The following ZNG1A variants were observed in gnomAD, a reference collection of about 807,000 sequenced individuals.
The protein encoded by ZNG1A is Zn regulated GTPase metalloprotein activator 1A.
chr9:147,441 C>A, the ZNG1A span: 8 of 110,734 alleles, frequency 7.2e-5, no homozygotes, highest in South Asian at 3.0e-4. Context: ...TTTCTTTATT[C>A]TCAACAGTCT....
chr9:127,256 T>C, the ZNG1A span, among the ~76,000 whole-genome samples: 4 of 152,148 alleles, frequency 2.6e-5, no homozygotes, highest in Admixed American at 2.6e-4. Context: ...CTTGATGACC[T>C]GTCCAGTGCT....
the ZNG1A span, among the ~76,000 whole-genome samples, chr9:129,400 C>G: frequency 6.6e-6 from 1 of 150,980 alleles, no homozygotes; most frequent in East Asian, 1.9e-4. Flanking sequence ...TCACAGCAGT[C>G]AAGACACTAA....
the ZNG1A span, among the ~76,000 whole-genome samples, chr9:171,171 G>A: frequency 1.3e-5 from 2 of 151,778 alleles, no homozygotes; most frequent in Non-Finnish European, 2.9e-5. Context: ...GAAAACATGG[G>A]GATGATGTTA....
the ZNG1A span, among the ~76,000 whole-genome samples, chr9:129,937 C>T: frequency 6.7e-6 from 1 of 150,286 alleles, no homozygotes; most frequent in Non-Finnish European, 1.5e-5. Flanking sequence ...ATGGTATAAC[C>T]TACTACACAC....
chr9:175,833 G>C, the ZNG1A span: 1 of 631,336 alleles, frequency 1.6e-6, no homozygotes, highest in Admixed American at 3.0e-5. Context: ...TAATTTTAAA[G>C]ATACAAAAAA....
the ZNG1A span, among the ~76,000 whole-genome samples, chr9:132,014 T>TC: frequency 2.3e-5 from 2 of 86,458 alleles, no homozygotes; most frequent in African/African-American, 7.8e-5. Flanking sequence ...CTTCTTCCCG[T>TC]CAAAAAAAAT....
chr9:165,424 T>C, the ZNG1A span, among the ~76,000 whole-genome samples: 1 of 143,462 alleles, frequency 7.0e-6, no homozygotes, highest in Non-Finnish European at 1.5e-5. Flanking sequence ...AAAACTGGTA[T>C]TTATCTTTGA....
chr9:146,373 C>T, the ZNG1A span: 1 of 417,974 alleles, frequency 2.4e-6, no homozygotes, highest in African/African-American at 2.2e-5. Flanking sequence ...ATTATCTTTT[C>T]AATCCTGAAA....
chr9:147,321 T>C, the ZNG1A span: 1 of 124,146 alleles, frequency 8.1e-6, no homozygotes, highest in African/African-American at 3.6e-5. Flanking sequence ...TTAAATTTTC[T>C]TACAAGGAAA....
At chr9:133,178 TA>T in the ZNG1A span, among the ~76,000 whole-genome samples, 2 of 139,968 alleles carry the variant, frequency 1.4e-5, no homozygotes, top group Non-Finnish European at 3.0e-5. Context: ...TTTCCTCCCT[TA>T]CACCTCAGAT....
the ZNG1A span, chr9:171,670 A>G: frequency 4.2e-6 from 1 of 240,458 alleles, no homozygotes; most frequent in Non-Finnish European, 8.1e-6. Flanking sequence ...ATAGGCAAAT[A>G]CTACACCATT....
At chr9:141,470 A>C in the ZNG1A span, among the ~76,000 whole-genome samples, 13 of 149,604 alleles carry the variant, frequency 8.7e-5, no homozygotes, top group East Asian at 2.0e-4. Context: ...GAAATAAAAT[A>C]CTTTACAGAC....
chr9:145,707 A>C, the ZNG1A span, among the ~76,000 whole-genome samples: 1 of 151,740 alleles, frequency 6.6e-6, no homozygotes, highest in Non-Finnish European at 1.5e-5. Context: ...ATAATAAATA[A>C]ATAAATTTTA....
the ZNG1A span, chr9:156,533 C>T: frequency 1.3e-6 from 2 of 1,593,962 alleles, no homozygotes; most frequent in African/African-American, 1.3e-5. Context: ...AAATGCTAAA[C>T]AAAAAAAAGT....
At chr9:148,667 G>A in the ZNG1A span, 3 of 136,042 alleles carry the variant, frequency 2.2e-5, no homozygotes, top group African/African-American at 8.3e-5. Flanking sequence ...GAAAGAAAAA[G>A]CTTCAAAAGT....
chr9:173,007 C>T, the ZNG1A span: 1 of 293,096 alleles, frequency 3.4e-6, no homozygotes, highest in Non-Finnish European at 6.0e-6. Context: ...ACATATGAGA[C>T]TTTCATGCAC....
At chr9:162,181 C>T in the ZNG1A span, among the ~76,000 whole-genome samples, 1 of 149,238 alleles carries the variant, frequency 6.7e-6, no homozygotes, top group Admixed American at 6.7e-5. Context: ...AAACTCTACC[C>T]TAACCCCATA....
chr9:174,514 TAAAGA>T, the ZNG1A span, among the ~76,000 whole-genome samples: 3 of 151,642 alleles, frequency 2.0e-5, no homozygotes, highest in African/African-American at 7.3e-5. Context: ...CAGGAAAAAA[TAAAGA>T]AAATAGTAAG....
the ZNG1A span, among the ~76,000 whole-genome samples, chr9:155,413 T>A: frequency 2.6e-5 from 4 of 151,746 alleles, no homozygotes; most frequent in African/African-American, 9.7e-5. Context: ...ATAGCAAGAC[T>A]CCATTTCTTA....
Sources: allele counts gnomAD v4.1 joint callset (sites outside exome capture counted in the v4.1 genomes callset), GRCh38; gene constraint gnomAD v4.1.1; transcripts MANE v1.5; gene names NCBI Gene and HGNC (gene_info 2026-07-23, HGNC 2026-07-21).